The following CRPPA variants were observed in gnomAD, a reference collection of about 807,000 sequenced individuals.
CRPPA encodes the protein D-ribitol-5-phosphate cytidylyltransferase.
Under a neutral mutation model 52.0 loss-of-function variants are expected in CRPPA, and 43 were observed. That is an observed-to-expected ratio of 0.83 (90% CI 0.65 to 1.07). The LOEUF (loss-of-function observed/expected upper bound fraction) is 1.07. Among genes scored for constraint, CRPPA ranks in the 50% least tolerant of loss-of-function variants. CRPPA has a pLI of 0.00. For missense variants in CRPPA, 629 were observed against 551.7 expected, an observed-to-expected ratio of 1.14 and a Z score of -1.40; for synonymous variants, 250 against 203.5, an observed-to-expected ratio of 1.23 and a Z score of -1.94.
At chr7:16,209,397 C>T in intron 9 of CRPPA, 1 of 161,492 alleles carries the variant, frequency 6.2e-6, no homozygotes, top group Non-Finnish European at 1.3e-5. Flanking sequence ...TCAGCCTCCC[C>T]AGTAGCTGGG....
At chr7:16,254,955 A>G (rs112722536) in intron 8 of CRPPA, among the ~76,000 whole-genome samples, 38 of 152,274 alleles carry the variant, frequency 2.5e-4, no homozygotes, top group African/African-American at 8.7e-4. Context: ...ATCAGGCAAG[A>G]GAAAGAAATA....
chr7:16,163,457 G>T (rs972020074), intron 9 of CRPPA, among the ~76,000 whole-genome samples: 2 of 151,872 alleles, frequency 1.3e-5, no homozygotes, highest in Non-Finnish European at 2.9e-5. Context: ...GATGGGTCTT[G>T]ACTCTTTATC....
chr7:16,201,500 C>T (rs1254620552), intron 9 of CRPPA, among the ~76,000 whole-genome samples: 1 of 152,198 alleles, frequency 6.6e-6, no homozygotes, highest in Non-Finnish European at 1.5e-5. Flanking sequence ...ACCCTGGACT[C>T]AGCCTCACAG....
chr7:16,419,582 G>A (rs150110358), intron 1 of CRPPA, among the ~76,000 whole-genome samples: 2,917 of 152,170 alleles, frequency 0.019, 86 homozygotes, highest in African/African-American at 0.067. Context: ...TGCTCCTGGG[G>A]ATAACATCAC....
intron 6 of CRPPA, among the ~76,000 whole-genome samples, chr7:16,260,414 T>C (rs1783764453): frequency 6.6e-6 from 1 of 152,008 alleles, no homozygotes; most frequent in Non-Finnish European, 1.5e-5. Context: ...AGGTTCTTTT[T>C]AAAGAACTCT....
chr7:16,094,396 C>A (rs1197518264), intron 9 of CRPPA, among the ~76,000 whole-genome samples: 2 of 152,058 alleles, frequency 1.3e-5, no homozygotes, highest in Admixed American at 6.6e-5. Flanking sequence ...AAACTCATCT[C>A]AAAATTTCCT....
chr7:16,173,193 C>G (rs566837164), intron 9 of CRPPA, among the ~76,000 whole-genome samples: 16 of 152,280 alleles, frequency 1.1e-4, no homozygotes, highest in African/African-American at 3.9e-4. Flanking sequence ...CCAGATTTCA[C>G]TAAGTTCATC....
intron 8 of CRPPA, among the ~76,000 whole-genome samples, chr7:16,231,746 G>C (rs867142257): frequency 6.6e-6 from 1 of 152,134 alleles, no homozygotes; most frequent in Non-Finnish European, 1.5e-5. Context: ...CTACCCAAGG[G>C]GGGAGTACTA....
chr7:16,294,001 C>T (rs563697208), intron 5 of CRPPA, among the ~76,000 whole-genome samples: 6 of 152,000 alleles, frequency 3.9e-5, no homozygotes, highest in Admixed American at 6.6e-5. Flanking sequence ...AACTATTCCA[C>T]GTGTGTCCAT....
chr7:16,234,965 A>G (rs1295155516), intron 8 of CRPPA, among the ~76,000 whole-genome samples: 1 of 152,074 alleles, frequency 6.6e-6, no homozygotes, highest in African/African-American at 2.4e-5. Context: ...ACTATAAATA[A>G]CTTAGTATTT....
At chr7:16,418,683 G>C (rs1190158026) in intron 1 of CRPPA, among the ~76,000 whole-genome samples, 5 of 152,046 alleles carry the variant, frequency 3.3e-5, no homozygotes, top group African/African-American at 9.7e-5. Context: ...CAGCATGGGG[G>C]AAACAATCCC....
rs558375869 is a variant in CRPPA at position 16,206,846 on chromosome 7, C to A, written c.1251+9220G>T. 3.0e-3 allele frequency among the ~76,000 whole-genome samples: 449 copies of A among 152,182 alleles called. 3 individuals carry two copies. The highest frequency in any genetic ancestry group is 0.01 in the African/African-American group (430 of 41,552). ...TACTGTAGATATGTTTATTATTAAA[C>A]CAACTCATTTCTAAACAGCATTAGC... On this transcript the variant is annotated intron_variant, in intron 9 of 9. Coordinates refer to ENST00000407010, the MANE Select transcript of CRPPA (RefSeq NM_001101426.4).
chr7:16,261,480 G>A (rs983951597), intron 6 of CRPPA, among the ~76,000 whole-genome samples: 1 of 151,894 alleles, frequency 6.6e-6, no homozygotes, highest in Non-Finnish European at 1.5e-5. Context: ...ATTAACATTA[G>A]ACATTATCTA....
At chr7:16,169,030 G>A (rs1442837762) in intron 9 of CRPPA, among the ~76,000 whole-genome samples, 1 of 152,160 alleles carries the variant, frequency 6.6e-6, no homozygotes, top group East Asian at 1.9e-4. Context: ...ATGAATGTAA[G>A]ATTTTTAGGA....
intron 9 of CRPPA, among the ~76,000 whole-genome samples, chr7:16,171,602 T>A (rs946901255): frequency 1.3e-5 from 2 of 151,964 alleles, no homozygotes; most frequent in Admixed American, 6.6e-5. Flanking sequence ...CCGTCTCTAC[T>A]AAAACAAAAA....
At chr7:16,188,236 G>A (rs530189800) in intron 9 of CRPPA, among the ~76,000 whole-genome samples, 28 of 151,740 alleles carry the variant, frequency 1.8e-4, no homozygotes, top group Non-Finnish European at 2.8e-4. Flanking sequence ...CACCCACATC[G>A]GCCTCCCAAA....
intron 9 of CRPPA, among the ~76,000 whole-genome samples, chr7:16,123,975 C>T (rs1782525845): frequency 6.6e-6 from 1 of 152,146 alleles, no homozygotes; most frequent in Non-Finnish European, 1.5e-5. Context: ...AGGTTGATTT[C>T]CTATCTTGGC....
intron 9 of CRPPA, among the ~76,000 whole-genome samples, chr7:16,166,786 C>T (rs376073474): frequency 6.6e-6 from 1 of 152,138 alleles, no homozygotes; most frequent in East Asian, 1.9e-4. Flanking sequence ...ATGAGCCCAG[C>T]ACTACTCTGT....
At chr7:16,187,165 A>G (rs1251514688) in intron 9 of CRPPA, among the ~76,000 whole-genome samples, 2 of 152,190 alleles carry the variant, frequency 1.3e-5, no homozygotes, top group Non-Finnish European at 2.9e-5. Flanking sequence ...TCTTTCCTCA[A>G]GTATTACCCC....
Sources: gnomAD v4.1 joint callset for allele counts (sites outside exome capture counted in the v4.1 genomes callset) on GRCh38, gnomAD v4.1.1 for gene constraint, MANE v1.5 for transcripts, NCBI Gene and HGNC (gene_info 2026-07-23, HGNC 2026-07-21) for gene names.